The following TMOD1 variants were observed in gnomAD, a reference collection of about 807,000 sequenced individuals.
The protein encoded by TMOD1 is tropomodulin-1.
In TMOD1, 17 loss-of-function variants were observed where a neutral mutation model predicts 40.6. The observed-to-expected ratio is 0.42, with a 90% confidence interval of 0.29 to 0.63. The LOEUF is 0.63. Among genes scored for constraint, TMOD1 ranks in the 20% least tolerant of loss-of-function variants. The pLI is 0.22. For synonymous variants in TMOD1, 181 were observed against 175.0 expected (o/e 1.03, Z -0.27); for missense variants, 391 against 447.6 (o/e 0.87, Z 1.14).
chr9:97,536,694 G>C (rs928670114), intron 2 of TMOD1, among the ~76,000 whole-genome samples: 1 of 152,048 alleles, frequency 6.6e-6, no homozygotes, highest in African/African-American at 2.4e-5. Context: ...TCGGTCCAGC[G>C]TATGACTTCA....
intron 9 of TMOD1, among the ~76,000 whole-genome samples, chr9:97,597,445 T>G (rs112851049): frequency 0.12 from 17,944 of 151,202 alleles, 2,999 homozygotes; most frequent in African/African-American, 0.37. Context: ...ACGCCTGTAA[T>G]CCCAGCACTT....
At chr9:97,521,879 G>T (rs1178798066) in intron 1 of TMOD1, among the ~76,000 whole-genome samples, 2 of 152,188 alleles carry the variant, frequency 1.3e-5, no homozygotes, top group Non-Finnish European at 2.9e-5. Flanking sequence ...TTTTCTGTTA[G>T]CTTAGTGAAC....
chr9:97,553,764 T>G (rs1223009800), intron 4 of TMOD1, among the ~76,000 whole-genome samples: 2 of 152,126 alleles, frequency 1.3e-5, no homozygotes, highest in Non-Finnish European at 2.9e-5. Context: ...GGCCTCTGGT[T>G]TCTTTGGCTT....
chr9:97,599,324 C>T (rs191418107), intron 9 of TMOD1, among the ~76,000 whole-genome samples: 2 of 152,204 alleles, frequency 1.3e-5, no homozygotes, highest in Admixed American at 1.3e-4. Flanking sequence ...ATCTGAACAC[C>T]GGAGTAAAGA....
chr9:97,585,785 A>C (rs1338614307), intron 8 of TMOD1, among the ~76,000 whole-genome samples: 1 of 137,644 alleles, frequency 7.3e-6, no homozygotes, highest in Non-Finnish European at 1.5e-5. Context: ...CCTTTCTTCC[A>C]GTTGATCGCA....
intron 2 of TMOD1, among the ~76,000 whole-genome samples, chr9:97,525,713 T>C (rs1830003963): frequency 6.6e-6 from 1 of 152,230 alleles, no homozygotes; most frequent in African/African-American, 2.4e-5. Flanking sequence ...GCAATAGCTA[T>C]CCAATTTCTC....
rs971482785 is a variant in TMOD1 at position 97,601,079 on chromosome 9, C to G, written c.*1381C>G. On this transcript the variant is annotated 3_prime_UTR_variant, in exon 10 of 10. Transcript: ENST00000259365. ...GTGGGCAGTACAGGGTAACTGGAGG[C>G]GGGGCCAGGGCCTCAGCGCTATGGA... 3.8e-6 allele frequency: 5 copies of G among 1,304,248 alleles called. No homozygotes were observed. The highest frequency in any genetic ancestry group is 5.1e-6 in the Non-Finnish European group (5 of 988,926). 80.8% of individuals were successfully genotyped at this position (1,304,248 alleles called of 1,614,324 possible).
chr9:97,543,269 T>C (rs1015377941), intron 2 of TMOD1, among the ~76,000 whole-genome samples: 1 of 152,272 alleles, frequency 6.6e-6, no homozygotes, highest in African/African-American at 2.4e-5. Flanking sequence ...TTAAGAAGCA[T>C]GAGCACTTGC....
intron 4 of TMOD1, among the ~76,000 whole-genome samples, chr9:97,559,794 A>AAAAAATATATATATAT (rs1390791825): frequency 4.3e-5 from 1 of 23,178 alleles, no homozygotes; most frequent in South Asian, 3.1e-3. Context: ...AAAAAAAAAA[A>AAAAAATATATATATAT]ATATATATAT....
chr9:97,508,504 C>A (rs971554713), intron 1 of TMOD1, among the ~76,000 whole-genome samples: 1 of 152,170 alleles, frequency 6.6e-6, no homozygotes, highest in Admixed American at 6.5e-5. Flanking sequence ...TTTAACATTT[C>A]TGTGCCTGGT....
intron 3 of TMOD1, among the ~76,000 whole-genome samples, chr9:97,553,014 T>C (rs1396137128): frequency 6.6e-6 from 1 of 152,196 alleles, no homozygotes; most frequent in African/African-American, 2.4e-5. Context: ...TACTTACAGA[T>C]TGTTTGGTCA....
chr9:97,508,256 T>TCAGCTCACTGCAACCTCCGCC (rs970831707), intron 1 of TMOD1, among the ~76,000 whole-genome samples: 2 of 152,008 alleles, frequency 1.3e-5, no homozygotes, highest in Non-Finnish European at 2.9e-5. Flanking sequence ...TGGGGCGATC[T>TCAGCTCACTGCAACCTCCGCC]CAGCTCACTG....
chr9:97,502,968 T>C lies in TMOD1; in HGVS notation c.-49+1165T>C, dbSNP rs895502960. ...CTACACCCTTCACCCACCGCTACTA[T>C]TACAGACCCTGTCTCCAGCCCTCGC... is the stretch of plus-strand genomic sequence containing the variant. On this transcript the variant is annotated intron_variant, in intron 1 of 9. Transcript: ENST00000259365. This position sits in a 1 kb window ranked among gnomAD's most constrained non-coding sequence, Gnocchi z 6.1. 3.9e-5 allele frequency among the ~76,000 whole-genome samples: 6 copies of C among 152,026 alleles called. No individual in the cohort carries two copies. The highest frequency in any genetic ancestry group is 8.8e-5 in the Non-Finnish European group (6 of 68,000).
At chr9:97,590,027 A>G (rs989665131) in intron 8 of TMOD1, among the ~76,000 whole-genome samples, 13 of 152,118 alleles carry the variant, frequency 8.5e-5, no homozygotes, top group African/African-American at 2.9e-4. Context: ...ACAACTTTAC[A>G]TACAAATCGT....
intron 1 of TMOD1, among the ~76,000 whole-genome samples, chr9:97,514,484 G>A (rs1390925856): frequency 6.6e-6 from 1 of 152,094 alleles, no homozygotes; most frequent in Non-Finnish European, 1.5e-5. Context: ...GTATGTGCCA[G>A]GGCTCAGAAC....
chr9:97,546,244 C>T lies in TMOD1; in HGVS notation c.180C>T (p.Gly60=). 6.2e-7 allele frequency: 1 copy of T among 1,614,054 alleles called. No homozygotes were observed. Among genetic ancestry groups the T allele is most frequent in the African/African-American group, 1.3e-5 (1 of 75,030 alleles). ...ATCAGACCACCAAGGCGCCCACGGG[C>T]CCCTTTAAAAGAGAGGAGCTCTTGG... ...QKDQTTKAPT[G]PFKREELLDH... is the part of the protein sequence containing the mutation. The change falls in exon 3 of 10, where the codon GGC becomes GGT. Residue 60 remains glycine, a synonymous_variant. Coordinates refer to ENST00000259365, the MANE Select transcript of TMOD1 (RefSeq NM_003275.4).
At chr9:97,539,971 CAAAAAAAA>C (rs34844299) in intron 2 of TMOD1, among the ~76,000 whole-genome samples, 1 of 71,970 alleles carries the variant, frequency 1.4e-5, no homozygotes, top group Non-Finnish European at 2.7e-5. Flanking sequence ...GACTCTGTCT[CAAAAAAAA>C]AAAAAAAAAA....
At chr9:97,591,612 G>T (rs1177822039) in intron 9 of TMOD1, among the ~76,000 whole-genome samples, 177 bp downstream of exon 9, 1 of 152,130 alleles carries the variant, frequency 6.6e-6, no homozygotes, top group African/African-American at 2.4e-5. Context: ...CCTGGACTAC[G>T]AGCTCCTTGA....
chr9:97,575,431 C>A (rs1420784630), intron 8 of TMOD1, among the ~76,000 whole-genome samples: 1 of 152,186 alleles, frequency 6.6e-6, no homozygotes, highest in Non-Finnish European at 1.5e-5. Flanking sequence ...TCAGTGAGAC[C>A]AAGAACCCAC....
Sources: allele counts gnomAD v4.1 joint callset (sites outside exome capture counted in the v4.1 genomes callset), GRCh38; gene constraint gnomAD v4.1.1; non-coding constraint Gnocchi (gnomAD v3.1); transcripts MANE v1.5; gene names NCBI Gene and HGNC (gene_info 2026-07-23, HGNC 2026-07-21).